The following ANTXR2 variants were observed in gnomAD, a reference collection of about 807,000 sequenced individuals.
The protein encoded by ANTXR2 is ANTXR cell adhesion molecule 2, also known as anthrax toxin receptor 2.
In ANTXR2, 44 loss-of-function variants were observed where a neutral mutation model predicts 73.7. The observed-to-expected ratio is 0.60, with a 90% CI of 0.47 to 0.77. The LOEUF is 0.77. Ranked by LOEUF, ANTXR2 falls within the 30% of genes least tolerant of loss-of-function variation. The probability of loss-of-function intolerance (pLI) is 0.00; values close to 1 mark genes in which losing one functional copy is unlikely to be tolerated. For missense variants in ANTXR2, 604 were observed against 592.5 expected (o/e 1.02, Z -0.20); for synonymous variants, 217 against 205.9 (o/e 1.05, Z -0.46).
At chr4:79,985,944 C>T (rs1452870788) in intron 12 of ANTXR2, among the ~76,000 whole-genome samples, 1 of 149,914 alleles carries the variant, frequency 6.7e-6, no homozygotes, top group African/African-American at 2.5e-5. Flanking sequence ...CGGGTTCAAG[C>T]GATTCTCCTA....
chr4:79,997,740 C>A (rs948198002), intron 12 of ANTXR2, among the ~76,000 whole-genome samples: 2 of 151,814 alleles, frequency 1.3e-5, no homozygotes, highest in Non-Finnish European at 2.9e-5. Context: ...ATTTAGAATG[C>A]TAAATGAGAA....
chr4:80,045,457 G>T (rs1578182125), intron 7 of ANTXR2, among the ~76,000 whole-genome samples: 1 of 151,482 alleles, frequency 6.6e-6, no homozygotes, highest in Non-Finnish European at 1.5e-5. Context: ...ACTGGCAACC[G>T]ATCATCACAA....
intron 10 of ANTXR2, among the ~76,000 whole-genome samples, chr4:80,022,874 T>C (rs1342428878): frequency 6.6e-6 from 1 of 152,156 alleles, no homozygotes; most frequent in Non-Finnish European, 1.5e-5. Context: ...ATCTTCCATT[T>C]CTCAATCTGT....
chr4:79,930,522 A>G (rs1407712944), intron 16 of ANTXR2, among the ~76,000 whole-genome samples: 1 of 152,212 alleles, frequency 6.6e-6, no homozygotes, highest in Non-Finnish European at 1.5e-5. Flanking sequence ...TTTTATAATT[A>G]TGAACGTTGA....
chr4:80,054,629 C>T (rs1733911364), intron 6 of ANTXR2, among the ~76,000 whole-genome samples: 1 of 151,470 alleles, frequency 6.6e-6, no homozygotes, highest in African/African-American at 2.4e-5. Context: ...CTATCAACAG[C>T]GTGACTCAGG....
At chr4:80,027,021 G>T (rs1434951374) in intron 10 of ANTXR2, among the ~76,000 whole-genome samples, 1 of 152,030 alleles carries the variant, frequency 6.6e-6, no homozygotes, top group African/African-American at 2.4e-5. Flanking sequence ...AGGAAGTGTG[G>T]GGTAGAGAAA....
chr4:79,929,601 T>C (rs1177648026), intron 16 of ANTXR2, among the ~76,000 whole-genome samples: 3 of 152,190 alleles, frequency 2.0e-5, no homozygotes, highest in Non-Finnish European at 4.4e-5. Context: ...GTTCTTAATG[T>C]TGATGCAAGG....
At chr4:79,949,728 A>G (rs182227671) in intron 16 of ANTXR2, among the ~76,000 whole-genome samples, 13 of 152,310 alleles carry the variant, frequency 8.5e-5, no homozygotes, top group Admixed American at 2.0e-4. Context: ...AGGATTAAAT[A>G]AGAAAAGGAA....
chr4:80,059,579 A>C (rs1204558119), intron 3 of ANTXR2, among the ~76,000 whole-genome samples: 1 of 152,062 alleles, frequency 6.6e-6, no homozygotes, highest in Non-Finnish European at 1.5e-5. Context: ...GATGGTCTTG[A>C]ACTCCTGGCC....
Position 80,071,585 on chromosome 4 carries a change from C to G in ANTXR2, c.222G>C (p.Val74=). 1 of 1,610,162 alleles carries G rather than the reference C, an allele frequency of 6.2e-7. No homozygotes were observed. The highest frequency in any genetic ancestry group is 8.5e-7 in the Non-Finnish European group (1 of 1,176,460). Residue 74 remains valine (V), a splice_region_variant and synonymous_variant, in exon 2 of 17, where the codon GTG becomes GTC. Coordinates refer to ENST00000403729, the MANE Select transcript of ANTXR2 (RefSeq NM_058172.6). ...NFVQQLAERF[V]SPEMRLSFIV... Reference sequence around the variant, plus strand: ...GAAAAGTAAAGTAAGAAAGATACCTCACAAATCTCTCCGCAAGTTGCTGTA... The same window carrying G: ...GAAAAGTAAAGTAAGAAAGATACCTGACAAATCTCTCCGCAAGTTGCTGTA...
rs1734878881 is a variant in ANTXR2, at chr4:80,072,787, T to G, written c.-227A>C. On this transcript the variant is annotated 5_prime_UTR_variant, in exon 1 of 17. Transcript: ENST00000403729. The stretch of plus-strand genomic sequence containing the variant: ...CCACCGCCGCAGCTGCCGCCGGAAC[T>G]CTTGACGAATCCCAGTGGAAGCGCG... 1 of 1,163,844 alleles carries G rather than the reference T, an allele frequency of 8.6e-7. No homozygotes were observed. The highest frequency in any genetic ancestry group is 1.1e-6 in the Non-Finnish European group (1 of 912,514). 72.1% of individuals were successfully genotyped at this position (1,163,844 alleles called of 1,614,324 possible).
At chr4:79,949,501 C>T (rs894670483) in intron 16 of ANTXR2, among the ~76,000 whole-genome samples, 2 of 152,098 alleles carry the variant, frequency 1.3e-5, no homozygotes, top group African/African-American at 2.4e-5. Flanking sequence ...TAAAAAAGTA[C>T]AAATGATAAG....
At chr4:80,050,773 A>C (rs1345645319) in intron 7 of ANTXR2, among the ~76,000 whole-genome samples, 1 of 151,584 alleles carries the variant, frequency 6.6e-6, no homozygotes, top group African/African-American at 2.4e-5. Flanking sequence ...ACAGCAAAAT[A>C]CTTATAACAC....
intron 7 of ANTXR2, among the ~76,000 whole-genome samples, chr4:80,049,685 T>C (rs1379790201): frequency 6.6e-6 from 1 of 151,754 alleles, no homozygotes; most frequent in Non-Finnish European, 1.5e-5. Context: ...AAACAGTTTT[T>C]GCTCTATTCT....
chr4:79,925,856 A>G (rs759893657), intron 16 of ANTXR2, among the ~76,000 whole-genome samples: 1 of 152,136 alleles, frequency 6.6e-6, no homozygotes, highest in Non-Finnish European at 1.5e-5. Flanking sequence ...GAAGTCTGAC[A>G]AAGAAAATAT....
In ANTXR2 at chr4:80,054,326, C is replaced by A. The variant is rs749268701; in HGVS notation, c.582G>T (p.Glu194Asp). The A allele has an allele frequency of 1.3e-6, 2 of 1,592,290 alleles. No homozygotes were observed. Among genetic ancestry groups the A allele is most frequent in the South Asian group, 2.3e-5 (2 of 87,070 alleles). The part of the protein sequence containing the change: ...AQLERIADSK[E>D]QVFPVKGGFQ... Reference sequence around the variant, plus strand: ...ATCCACCTTTGACAGGGAAAACTTGCTCCTTGGAATCAGCAATTCTTTCAA... The same window carrying A: ...ATCCACCTTTGACAGGGAAAACTTGATCCTTGGAATCAGCAATTCTTTCAA... Residue 194 changes from glutamate to aspartate, a missense_variant, in exon 7 of 17, where the codon GAG (glutamate) becomes GAT (aspartate). Physicochemically the swap from Glu to Asp is conservative, Grantham distance 45. Coordinates refer to ENST00000403729, the MANE Select transcript of ANTXR2 (RefSeq NM_058172.6).
At chr4:80,059,535 T>G (rs1208923780) in intron 3 of ANTXR2, among the ~76,000 whole-genome samples, 1 of 152,046 alleles carries the variant, frequency 6.6e-6, no homozygotes, top group African/African-American at 2.4e-5. Context: ...CTTTTAAATT[T>G]TCTATAGAGA....
chr4:79,957,963 T>G (rs986766939), intron 16 of ANTXR2, among the ~76,000 whole-genome samples: 23 of 152,116 alleles, frequency 1.5e-4, no homozygotes, highest in African/African-American at 5.5e-4. Context: ...ATATACAACC[T>G]TAAAAACATA....
At chr4:79,974,444 G>C (rs764299777) in intron 16 of ANTXR2, among the ~76,000 whole-genome samples, 4 of 152,152 alleles carry the variant, frequency 2.6e-5, no homozygotes, top group Non-Finnish European at 5.9e-5. Flanking sequence ...AGTGGAAAAA[G>C]TGGGGTTTTA....
Sources: allele counts gnomAD v4.1 joint callset (sites outside exome capture counted in the v4.1 genomes callset), GRCh38; gene constraint gnomAD v4.1.1; transcripts MANE v1.5; gene names NCBI Gene and HGNC (gene_info 2026-07-23, HGNC 2026-07-21).